Variants in CNTN5 observed in about 807,000 individuals in gnomAD.
The protein encoded by CNTN5 is contactin 5, also known as contactin-5.
CNTN5 carries 77 observed loss-of-function variants against 129.1 expected under a neutral mutation model. That is an observed-to-expected ratio of 0.60 (90% CI 0.50 to 0.72). The LOEUF is 0.72. CNTN5 is among the 30% of genes least tolerant of loss of function. CNTN5 has a pLI of 0.00. For synonymous variants in CNTN5, 509 were observed against 465.6 expected (o/e 1.09, Z -1.20); for missense variants, 1,478 against 1,328.8 (o/e 1.11, Z -1.75).
chr11:99,913,561 T>G (rs1360981324), intron 6 of CNTN5, among the ~76,000 whole-genome samples: 3 of 152,036 alleles, frequency 2.0e-5, no homozygotes, highest in African/African-American at 7.2e-5. Flanking sequence ...AATGTTGAAT[T>G]TTGCTTGTAT....
rs577073421 is a variant in CNTN5 at position 99,243,363 on chromosome 11, A to G, written c.-209-81983A>G. Among the ~76,000 whole-genome samples, 5 of 152,122 alleles carry G rather than the reference A, an allele frequency of 3.3e-5. No homozygotes were observed. The East Asian group carries it at 7.7e-4, about 24-fold the overall frequency. ...CTTATAGGTTCTGGATATTAGAACTATATTGGATGTGGAGTTTGTGAATAT... is the reference window on the plus strand; with the variant it reads ...CTTATAGGTTCTGGATATTAGAACTGTATTGGATGTGGAGTTTGTGAATAT... On this transcript the variant is annotated intron_variant, in intron 1 of 24. Transcript: ENST00000524871.
intron 2 of CNTN5, among the ~76,000 whole-genome samples, chr11:99,528,238 A>T (rs536196240): frequency 6.6e-6 from 1 of 152,294 alleles, no homozygotes; most frequent in East Asian, 1.9e-4. Flanking sequence ...AAACATACAA[A>T]AGCACAACAA....
At chr11:99,812,055 G>A (rs552908217) in intron 3 of CNTN5, among the ~76,000 whole-genome samples, 1 of 152,102 alleles carries the variant, frequency 6.6e-6, no homozygotes, top group East Asian at 1.9e-4. Context: ...AGTATTTCTT[G>A]GAAACTCAAA....
chr11:99,556,261 G>A lies in CNTN5; in HGVS notation c.47G>A (p.Cys16Tyr), dbSNP rs1198818842. 2.0e-6 allele frequency: 3 copies of A among 1,523,162 alleles called. No individual in the cohort carries two copies. Among genetic ancestry groups the A allele is most frequent in the East Asian group, 2.5e-5 (1 of 40,366 alleles). 94.4% of individuals were successfully genotyped at this position (1,523,162 alleles called of 1,614,324 possible). ...ATGCTGTTTCTGTCAGTCACCATGT[G>A]TCTTTCAGGTAAAAGTCCTGATTAA... ...KLMLFLSVTM[C>Y]LSEYSKSLPG... is the part of the protein sequence containing the mutation. The change falls in exon 3 of 25, where the codon TGT becomes TAT. Residue 16 changes from cysteine (C) to tyrosine (Y), a missense_variant. Transcript: ENST00000524871.
rs1218802376 is a variant in CNTN5, at chr11:99,264,949, T to A, written c.-209-60397T>A. Among the ~76,000 whole-genome samples the A allele has an allele frequency of 1.2e-4, 18 of 152,100 alleles. 1 individual carries two copies. Among genetic ancestry groups the A allele is most frequent in the Non-Finnish European group, 1.5e-5 (1 of 67,980 alleles). ...TTTTATGTTTTTATAATTCTTTGAA[T>A]GTACTGAAGATCCTTAGATACTTTT... is the stretch of plus-strand genomic sequence containing the variant. On this transcript the variant is annotated intron_variant, in intron 1 of 24. Coordinates refer to ENST00000524871, the MANE Select transcript of CNTN5 (RefSeq NM_014361.4).
intron 1 of CNTN5, among the ~76,000 whole-genome samples, chr11:99,152,641 C>A (rs1860121262): frequency 6.6e-6 from 1 of 152,172 alleles, no homozygotes; most frequent in Non-Finnish European, 1.5e-5. Flanking sequence ...AGCCCGTTTA[C>A]CTTCAAGGTC....
intron 3 of CNTN5, among the ~76,000 whole-genome samples, chr11:99,584,767 T>C (rs1034105786): frequency 6.6e-6 from 1 of 152,264 alleles, no homozygotes; most frequent in Non-Finnish European, 1.5e-5. Flanking sequence ...GATTGTGTAG[T>C]TGTTTGAACT....
intron 3 of CNTN5, among the ~76,000 whole-genome samples, chr11:99,585,198 C>T (rs993853786): frequency 6.6e-6 from 1 of 152,192 alleles, no homozygotes; most frequent in Non-Finnish European, 1.5e-5. Context: ...CAGGTGATTT[C>T]AGATTACTCA....
intron 2 of CNTN5, among the ~76,000 whole-genome samples, chr11:99,330,715 A>G (rs536451041): frequency 6.6e-6 from 1 of 152,260 alleles, no homozygotes; most frequent in South Asian, 2.1e-4. Context: ...AGCTGTGCTA[A>G]TTGCTGGTAG....
At chr11:99,315,203 G>A (rs1691178465) in intron 1 of CNTN5, among the ~76,000 whole-genome samples, 1 of 148,534 alleles carries the variant, frequency 6.7e-6, no homozygotes, top group Non-Finnish European at 1.5e-5. Flanking sequence ...CTGAGCATAA[G>A]TAGTTCACTG....
In CNTN5 at chr11:99,528,385, A is replaced by C. The variant is rs146743695; in HGVS notation, c.-70-27760A>C. On this transcript the variant is annotated intron_variant, in intron 2 of 24. Transcript: ENST00000524871. The stretch of plus-strand genomic sequence containing the variant: ...GTGAATTGTATTCATACAGAAATAC[A>C]TCTAAAAGCAAAATCTATAAATGCA... 4.6e-4 allele frequency among the ~76,000 whole-genome samples: 70 copies of C among 152,344 alleles called. 2 individuals are homozygous for C. Among genetic ancestry groups the C allele is most frequent in the African/African-American group, 1.6e-3 (65 of 41,582 alleles).
At chr11:100,073,406 A>G (rs948091680) in intron 12 of CNTN5, among the ~76,000 whole-genome samples, 17 of 151,924 alleles carry the variant, frequency 1.1e-4, no homozygotes, top group Non-Finnish European at 1.6e-4. Flanking sequence ...ATCTTTTTCA[A>G]TGTTGTGACA....
chr11:99,441,046 A>C (rs2726406), intron 2 of CNTN5, among the ~76,000 whole-genome samples: 149,766 of 152,180 alleles, frequency 0.98, 73,745 homozygotes, highest in East Asian at 1. Flanking sequence ...TCTGAAACAC[A>C]TAGCCTCAAG....
At chr11:99,898,810 G>C (rs1030911070) in intron 6 of CNTN5, among the ~76,000 whole-genome samples, 2 of 151,642 alleles carry the variant, frequency 1.3e-5, no homozygotes, top group African/African-American at 4.8e-5. Flanking sequence ...ACATTCCCAA[G>C]TAATGTTAAA....
chr11:99,482,571 T>C (rs984716828), intron 2 of CNTN5, among the ~76,000 whole-genome samples: 7 of 152,230 alleles, frequency 4.6e-5, no homozygotes, highest in African/African-American at 1.4e-4. Flanking sequence ...TAAATGGAAA[T>C]ATTGCATTTA....
chr11:99,440,312 GA>G (rs1943775610), intron 2 of CNTN5, among the ~76,000 whole-genome samples: 1 of 151,998 alleles, frequency 6.6e-6, no homozygotes, highest in Non-Finnish European at 1.5e-5. Flanking sequence ...CACCTAAAAT[GA>G]CAACTGGAAT....
At chr11:99,183,361 T>G (rs189506486) in intron 1 of CNTN5, among the ~76,000 whole-genome samples, 20 of 152,248 alleles carry the variant, frequency 1.3e-4, no homozygotes, top group Admixed American at 1.2e-3. Flanking sequence ...CAGATAGAAG[T>G]TATTCCTCTA....
At chr11:99,873,415 C>T (rs1424429413) in intron 6 of CNTN5, among the ~76,000 whole-genome samples, 2 of 152,068 alleles carry the variant, frequency 1.3e-5, no homozygotes, top group African/African-American at 2.4e-5. Context: ...CATGACTACA[C>T]ATTTCACACA....
chr11:99,483,723 T>C (rs1209092954), intron 2 of CNTN5, among the ~76,000 whole-genome samples: 1 of 151,006 alleles, frequency 6.6e-6, no homozygotes, highest in East Asian at 1.9e-4. Flanking sequence ...TCCACAGAAA[T>C]AGAAAAAAAA....
Sources: gnomAD v4.1 joint callset for allele counts (sites outside exome capture counted in the v4.1 genomes callset) on GRCh38, gnomAD v4.1.1 for gene constraint, MANE v1.5 for transcripts, NCBI Gene and HGNC (gene_info 2026-07-23, HGNC 2026-07-21) for gene names.